Variants in ZNF594 observed in about 807,000 individuals in gnomAD.
ZNF594 encodes zinc finger protein HZF18.
For synonymous variants in ZNF594, 336 were observed against 309.4 expected (o/e 1.09, Z -0.90); for missense variants, 1,037 against 964.6 (o/e 1.08, Z -0.99).
chr17:5,182,333 G>C lies in ZNF594; in HGVS notation c.1924C>G (p.His642Asp). The change falls in exon 2 of 2, where the codon CAC becomes GAC. Residue 642 changes from histidine to aspartate, a missense_variant. His to Asp is a moderately conservative substitution (Grantham distance 81). Coordinates refer to ENST00000575779, the MANE Select transcript of ZNF594 (RefSeq NM_032530.2). ...TTCTCTCCAGTATGAATACGATGGT[G>C]TTTAATAAGATCTGAGCTACCCCTA... Reference protein sequence around the residue: ...SFRGSSDLIKHHRIHTGEKPY... With the variant: ...SFRGSSDLIKDHRIHTGEKPY... 1 of 1,613,586 alleles carries C rather than the reference G, an allele frequency of 6.2e-7. No homozygotes were observed. Among genetic ancestry groups the C allele is most frequent in the Non-Finnish European group, 8.5e-7 (1 of 1,179,990 alleles).
chr17:5,175,850 C>G (rs2074303500), downstream of ZNF594, among the ~76,000 whole-genome samples: 1 of 151,858 alleles, frequency 6.6e-6, no homozygotes, highest in Admixed American at 6.6e-5. Flanking sequence ...GGTCCTTCAC[C>G]CTCAGCTTCT....
intron 1 of ZNF594, among the ~76,000 whole-genome samples, chr17:5,186,396 A>T (rs2074386660): frequency 6.6e-6 from 1 of 152,192 alleles, no homozygotes. Context: ...GCAGCGCACC[A>T]AGTCCCTAGG....
In ZNF594 at chr17:5,184,293, A is replaced by C. The variant is rs1314035264; in HGVS notation, c.-20-17T>G. ...CTTCAGAATCTGAAATGATAAGTAG[A>C]TCATTCTATAATTCCTAAAATACAA... On this transcript the variant is annotated splice_polypyrimidine_tract_variant and intron_variant, in intron 1 of 1. Coordinates refer to ENST00000575779, the MANE Select transcript of ZNF594 (RefSeq NM_032530.2). 1.9e-6 allele frequency: 3 copies of C among 1,581,154 alleles called. No homozygotes were observed. The highest frequency in any genetic ancestry group is 2.6e-6 in the Non-Finnish European group (3 of 1,167,308).
Position 5,180,620 on chromosome 17 carries a change from C to T in ZNF594, c.*1213G>A. ...GGCTGAGGAGGGAGGAGTGCTTGAG[C>T]CCAAGAGTTCAAGTCCAGCCTGGGC... On this transcript the variant is annotated 3_prime_UTR_variant, in exon 2 of 2. Coordinates refer to ENST00000575779, the MANE Select transcript of ZNF594 (RefSeq NM_032530.2). 1 of 197,166 alleles carries T rather than the reference C, an allele frequency of 5.1e-6. No individual in the cohort carries two copies. Among genetic ancestry groups the T allele is most frequent in the Non-Finnish European group, 1.0e-5 (1 of 95,960 alleles). 12.2% of individuals were successfully genotyped at this position (197,166 alleles called of 1,614,324 possible). A position where few individuals can be genotyped will look rare whatever the true frequency, so the allele number is the denominator to read the frequency against.
Position 5,181,508 on chromosome 17 carries a change from G to A in ZNF594, c.*325C>T, listed in dbSNP as rs553016352. On this transcript the variant is annotated 3_prime_UTR_variant, in exon 2 of 2. Transcript: ENST00000575779. ...CTCCAGCATGCAGTCTCTGATGTTT[G>A]AGGAAAGCTGTGTGCCACATGAAGA... 53 of 1,613,910 alleles carry A rather than the reference G, an allele frequency of 3.3e-5. 1 individual carries two copies. In the South Asian group the frequency reaches 5.6e-4, roughly 17 times the overall value.
rs1318298216 is a variant in ZNF594, at chr17:5,181,673, T to C, written c.*160A>G. ...TCTCTCCAGTGTGGATTTTCTGGTG[T>C]GTGACAAGGTGGGACCTCTGGCTAA... On this transcript the variant is annotated 3_prime_UTR_variant, in exon 2 of 2. Coordinates refer to ENST00000575779, the MANE Select transcript of ZNF594 (RefSeq NM_032530.2). 6.3e-6 allele frequency: 10 copies of C among 1,575,228 alleles called. No individual in the cohort carries two copies. Among genetic ancestry groups the C allele is most frequent in the Admixed American group, 1.7e-5 (1 of 59,964 alleles).
chr17:5,181,455 A>T lies in ZNF594; in HGVS notation c.*378T>A. ...TCCCCTAAGCTCCTCATCCTTGCTG[A>T]AGGTTTTCTCACGTTCTTCAAGTTT... On this transcript the variant is annotated 3_prime_UTR_variant, in exon 2 of 2. Coordinates refer to ENST00000575779, the MANE Select transcript of ZNF594 (RefSeq NM_032530.2). The T allele has an allele frequency of 1.2e-6, 2 of 1,613,824 alleles. No individual in the cohort carries two copies. The highest frequency in any genetic ancestry group is 1.7e-6 in the Non-Finnish European group (2 of 1,179,828).
At chr17:5,189,660 A>C (rs889642747) in intron 1 of ZNF594, among the ~76,000 whole-genome samples, 1 of 151,848 alleles carries the variant, frequency 6.6e-6, no homozygotes, top group Non-Finnish European at 1.5e-5. Flanking sequence ...TCAGCCTGAC[A>C]CCATAGGCAC....
chr17:5,186,664 C>A (rs1225136447), intron 1 of ZNF594, among the ~76,000 whole-genome samples: 2 of 152,226 alleles, frequency 1.3e-5, no homozygotes. Flanking sequence ...TTATGCTCTG[C>A]TTCCCTCATA....
downstream of ZNF594, among the ~76,000 whole-genome samples, chr17:5,178,708 C>T (rs530528220): frequency 2.8e-4 from 43 of 152,180 alleles, no homozygotes; most frequent in African/African-American, 1.0e-3. Context: ...GAAAAACCCA[C>T]CACAATCCAA....
intron 1 of ZNF594, among the ~76,000 whole-genome samples, chr17:5,185,143 G>C (rs915365912): frequency 6.6e-6 from 1 of 152,152 alleles, no homozygotes; most frequent in African/African-American, 2.4e-5. Context: ...GAGGGTCCAC[G>C]TTATCAAATC....
chr17:5,181,086 C>CT lies in ZNF594; in HGVS notation c.*746dup. Reference sequence around the variant, plus strand: ...AAAGGGTTTCTCTCTGGTATGAATTCTTTGATGACTGACAAGGTGTGAGTT... The same window carrying CT: ...AAAGGGTTTCTCTCTGGTATGAATTCTTTTGATGACTGACAAGGTGTGAGTT... On this transcript the variant is annotated 3_prime_UTR_variant, in exon 2 of 2. Transcript: ENST00000575779. The CT allele has an allele frequency of 2.8e-6, 4 of 1,436,270 alleles. No homozygotes were observed. Among genetic ancestry groups the CT allele is most frequent in the Non-Finnish European group, 3.9e-6 (4 of 1,027,438 alleles). 89.0% of individuals were successfully genotyped at this position (1,436,270 alleles called of 1,614,324 possible). A position where few individuals can be genotyped will look rare whatever the true frequency, so the allele number is the denominator to read the frequency against.
intron 1 of ZNF594, among the ~76,000 whole-genome samples, chr17:5,186,585 T>C (rs571564203): frequency 5.2e-5 from 8 of 152,382 alleles, no homozygotes; most frequent in Non-Finnish European, 8.8e-5. Context: ...TGCAGCCTGA[T>C]TGAATTTCTC....
rs146837771 is a variant in ZNF594, at chr17:5,182,582, GCT to G, written c.1673_1674del (p.Glu558AlafsTer13). On this transcript the variant is annotated frameshift_variant, in exon 2 of 2. Transcript: ENST00000575779. LOFTEE classifies it low-confidence loss of function (END_TRUNC). ...TFSQDEELRG[E>X]QKIHQEAKAY... ...GCTTTCGCTTCCTGGTGAATTTTCTGCTCTCCCCTAAGCTCCTCATCCTGGCT... is the reference window on the plus strand; with the variant it reads ...GCTTTCGCTTCCTGGTGAATTTTCTGCTCCCCTAAGCTCCTCATCCTGGCT... 2.8e-3 allele frequency: 4,576 copies of G among 1,613,392 alleles called. 85 individuals are homozygous for G. The African/African-American group carries it at 0.045, about 16-fold the overall frequency.
At chr17:5,179,057 G>T (rs1165351493), downstream of ZNF594, among the ~76,000 whole-genome samples, 1 of 151,672 alleles carries the variant, frequency 6.6e-6, no homozygotes, top group Non-Finnish European at 1.5e-5. Context: ...AGGCCCTCAA[G>T]GACCCAGAAG....
In ZNF594 at chr17:5,181,483, C is replaced by A; in HGVS notation, c.*350G>T. ...GTTTTCTCACGTTCTTCAAGTTTCT[C>A]TCCAGCATGCAGTCTCTGATGTTTG... On this transcript the variant is annotated 3_prime_UTR_variant, in exon 2 of 2. Coordinates refer to ENST00000575779, the MANE Select transcript of ZNF594 (RefSeq NM_032530.2). The A allele has an allele frequency of 6.2e-7, 1 of 1,613,936 alleles. No homozygotes were observed. The highest frequency in any genetic ancestry group is 1.3e-5 in the African/African-American group (1 of 75,024).
chr17:5,183,662 C>A lies in ZNF594; in HGVS notation c.595G>T (p.Val199Leu), dbSNP rs757134433. 2 of 1,614,186 alleles carry A rather than the reference C, an allele frequency of 1.2e-6. No homozygotes were observed. Among genetic ancestry groups the A allele is most frequent in the Non-Finnish European group, 1.7e-6 (2 of 1,180,034 alleles). ...CCACTGTGAATTTGCTTATGTCTCA[C>A]CAGATTGGAGCTCTGATTGAAGTCT... is the stretch of plus-strand genomic sequence containing the variant. ...GKDFNQSSNL[V>L]RHKQIHSGGN... Residue 199 changes from valine (V) to leucine (L), a missense_variant, in exon 2 of 2, where the codon GTG (valine) becomes TTG (leucine). By Grantham distance (32) the Val-to-Leu change is conservative (BLOSUM62 1). Transcript: ENST00000575779.
intron 1 of ZNF594, among the ~76,000 whole-genome samples, chr17:5,186,351 T>C (rs2074386304): frequency 6.6e-6 from 1 of 152,238 alleles, no homozygotes; most frequent in Non-Finnish European, 1.5e-5. Flanking sequence ...CTATCTACAT[T>C]GGCCCCTTTC....
At chr17:5,179,214 CCT>C (rs372973727), downstream of ZNF594, among the ~76,000 whole-genome samples, 6 of 146,774 alleles carry the variant, frequency 4.1e-5, no homozygotes, top group Non-Finnish European at 6.0e-5. Context: ...CCACCCCGTT[CCT>C]CTCTCTCTCT....
Sources: allele counts gnomAD v4.1 joint callset (sites outside exome capture counted in the v4.1 genomes callset), GRCh38; gene constraint gnomAD v4.1.1; transcripts MANE v1.5; gene names NCBI Gene and HGNC (gene_info 2026-07-23, HGNC 2026-07-21).